RABGAP1L: variants seen among roughly 807,000 people sequenced by gnomAD.
The protein encoded by RABGAP1L is rab GTPase-activating protein 1-like.
RABGAP1L carries 63 observed loss-of-function variants against 137.7 expected under a neutral mutation model. That is an observed-to-expected ratio of 0.46 (90% CI 0.37 to 0.56). The LOEUF (loss-of-function observed/expected upper bound fraction) is 0.56. Among genes scored for constraint, RABGAP1L ranks in the 20% least tolerant of loss-of-function variants. The pLI is 0.00. For missense variants in RABGAP1L, 1,095 were observed against 1,244.0 expected, an observed-to-expected ratio of 0.88 and a Z score of 1.80; for synonymous variants, 431 against 433.7, an observed-to-expected ratio of 0.99 and a Z score of 0.08.
chr1:174,782,681 G>A (rs1020127907), intron 18 of RABGAP1L, among the ~76,000 whole-genome samples: 4 of 152,126 alleles, frequency 2.6e-5, no homozygotes, highest in African/African-American at 9.7e-5. Flanking sequence ...TTGAGCTAGT[G>A]GTATTGAGAG....
chr1:174,394,081 A>T lies in RABGAP1L; in HGVS notation c.1646A>T (p.Gln549Leu). Residue 549 changes from glutamine to leucine, a missense_variant, in exon 13 of 26, where the codon CAG (glutamine) becomes CTG (leucine). By Grantham distance (113) the Gln-to-Leu change is moderately radical. Transcript: ENST00000681986. Reference sequence around the variant, plus strand: ...GAAGCATTGAGGGCAGAGGTATGGCAGTTATTGGCAGGCTGCCATGACAAC... The same window carrying T: ...GAAGCATTGAGGGCAGAGGTATGGCTGTTATTGGCAGGCTGCCATGACAAC... ...VPEALRAEVW[Q>L]LLAGCHDNQA... The T allele has an allele frequency of 2.5e-6, 4 of 1,613,880 alleles. No individual in the cohort carries two copies. The highest frequency in any genetic ancestry group is 3.4e-6 in the Non-Finnish European group (4 of 1,179,828).
chr1:174,379,399 T>C (rs1571509248), intron 12 of RABGAP1L, among the ~76,000 whole-genome samples: 2 of 149,288 alleles, frequency 1.3e-5, no homozygotes, highest in African/African-American at 5.0e-5. Flanking sequence ...TTTCACGATA[T>C]TGATTCTTCC....
At chr1:174,275,064 C>T (rs949018400) in intron 8 of RABGAP1L, 2 of 152,160 alleles carry the variant, frequency 1.3e-5, no homozygotes, top group African/African-American at 4.8e-5. Context: ...CACATATACA[C>T]AAGCTATAAG....
rs76384401 is a variant in RABGAP1L, at chr1:174,419,665, T to C, written c.1710+25520T>C. Among the ~76,000 whole-genome samples, 7 of 152,228 alleles carry C rather than the reference T, an allele frequency of 4.6e-5. No homozygotes were observed. The East Asian group carries it at 7.7e-4, about 17-fold the overall frequency. ...ACAGTTCACTATCAAAAGAATATTA[T>C]GTAAATAAATATAAAATGAACTATG... On this transcript the variant is annotated intron_variant, in intron 13 of 25. Transcript: ENST00000681986.
At chr1:174,408,722 A>G (rs573946759) in intron 13 of RABGAP1L, among the ~76,000 whole-genome samples, 80 of 129,982 alleles carry the variant, frequency 6.2e-4, no homozygotes, top group African/African-American at 2.8e-3. Context: ...CCTTGTGAGC[A>G]TCTGTTGTTT....
At chr1:174,441,654 A>G (rs1392966539) in intron 13 of RABGAP1L, among the ~76,000 whole-genome samples, 1 of 152,118 alleles carries the variant, frequency 6.6e-6, no homozygotes, top group Non-Finnish European at 1.5e-5. Flanking sequence ...GAATTGCTTG[A>G]ACCTGGGAGG....
intron 13 of RABGAP1L, among the ~76,000 whole-genome samples, chr1:174,534,132 CTGTGTGTGTGTGTGTGTGTGTGTGTG>C (rs35255973): frequency 2.3e-5 from 3 of 132,542 alleles, no homozygotes; most frequent in Admixed American, 7.7e-5. Flanking sequence ...GAGGTCAACT[CTGTGTGTGTGTGTGTGTGTGTGTGTG>C]TGTGTGTGTG....
At chr1:174,759,037 T>C (rs1684999901) in intron 18 of RABGAP1L, among the ~76,000 whole-genome samples, 2 of 152,186 alleles carry the variant, frequency 1.3e-5, no homozygotes, top group East Asian at 3.9e-4. Context: ...GGCCACCAAA[T>C]TTTCCAGGAA....
intron 13 of RABGAP1L, among the ~76,000 whole-genome samples, chr1:174,598,139 G>T (rs1670113605): frequency 6.6e-6 from 1 of 151,990 alleles, no homozygotes; most frequent in Non-Finnish European, 1.5e-5. Context: ...GGCTATCCTG[G>T]CCAACATGGG....
intron 12 of RABGAP1L, among the ~76,000 whole-genome samples, chr1:174,393,129 T>C (rs1462116706): frequency 6.6e-6 from 1 of 152,178 alleles, no homozygotes; most frequent in African/African-American, 2.4e-5. Flanking sequence ...GTTCTGACGC[T>C]GCACACCTTT....
At position 174,854,923 on chromosome 1, in the gene RABGAP1L, A is replaced by C. The variant is rs375793714; in HGVS notation, c.2340+42963A>C. On this transcript the variant is annotated intron_variant, in intron 19 of 25. Coordinates refer to ENST00000681986, the MANE Select transcript of RABGAP1L (RefSeq NM_001366446.1). ...TGGCTAGTTTTTGTATTTTTAGTAG[A>C]GACAGGGTTTCGCCATGTTGGCCAG... 3.8e-4 allele frequency among the ~76,000 whole-genome samples: 58 copies of C among 151,334 alleles called. No homozygotes were observed. The Middle Eastern group carries it at 0.01, about 27-fold the overall frequency.
chr1:174,889,304 A>G (rs969428152), intron 19 of RABGAP1L, among the ~76,000 whole-genome samples: 1 of 151,860 alleles, frequency 6.6e-6, no homozygotes, highest in Non-Finnish European at 1.5e-5. Flanking sequence ...TTGTATGTTT[A>G]GTAGAGACAG....
chr1:174,335,155 A>G (rs539826901), intron 11 of RABGAP1L, among the ~76,000 whole-genome samples: 4 of 152,232 alleles, frequency 2.6e-5, no homozygotes, highest in African/African-American at 7.2e-5. Context: ...CAGGTGTTTC[A>G]TACATTTTCA....
intron 22 of RABGAP1L, 140 bp from the exon 23 acceptor site, chr1:174,978,667 C>T (rs997682924): frequency 2.0e-5 from 20 of 1,018,352 alleles, no homozygotes; most frequent in Non-Finnish European, 2.6e-5. Context: ...TATCAAGATG[C>T]AGCTTCCATG....
rs375413887 is a variant in RABGAP1L, at chr1:174,547,029, CAAAAAAAAAAAAA to C, written c.1711-90331_1711-90319del. Reference sequence around the variant, plus strand: ...TGGGCGAAAGAGCGAGACTCTGTCTCAAAAAAAAAAAAAAAAAAAAAAAAAAAGATAAAGCAGT... The same window carrying C: ...TGGGCGAAAGAGCGAGACTCTGTCTCAAAAAAAAAAAAAAGATAAAGCAGT... On this transcript the variant is annotated intron_variant, in intron 13 of 25. Transcript: ENST00000681986. Among the ~76,000 whole-genome samples the C allele has an allele frequency of 1.3e-3, 104 of 78,248 alleles. 1 individual carries two copies. The highest frequency in any genetic ancestry group is 1.6e-3 in the Non-Finnish European group (68 of 41,486). 51.3% of individuals were successfully genotyped at this position (78,248 alleles called of 152,430 possible).
At chr1:174,907,244 G>A (rs1206018775) in intron 19 of RABGAP1L, among the ~76,000 whole-genome samples, 1 of 152,180 alleles carries the variant, frequency 6.6e-6, no homozygotes, top group Non-Finnish European at 1.5e-5. Context: ...GGGGGAGGCA[G>A]AGTAGAATTT....
At chr1:174,883,846 A>G (rs1458941186) in intron 19 of RABGAP1L, among the ~76,000 whole-genome samples, 1 of 152,250 alleles carries the variant, frequency 6.6e-6, no homozygotes, top group Non-Finnish European at 1.5e-5. Context: ...GGGAATATAC[A>G]TTAATATTAT....
At chr1:174,269,426 G>A (rs1372191684) in intron 7 of RABGAP1L, among the ~76,000 whole-genome samples, 2 of 152,226 alleles carry the variant, frequency 1.3e-5, no homozygotes, top group Non-Finnish European at 2.9e-5. Context: ...AGACCATATA[G>A]TTTTGTAGTG....
chr1:174,388,088 C>T (rs1177359155), intron 12 of RABGAP1L, among the ~76,000 whole-genome samples: 1 of 152,022 alleles, frequency 6.6e-6, no homozygotes, highest in Admixed American at 6.5e-5. Flanking sequence ...TACATATAGA[C>T]ATTTTTGTGA....
Sources: gnomAD v4.1 joint callset for allele counts (sites outside exome capture counted in the v4.1 genomes callset) on GRCh38, gnomAD v4.1.1 for gene constraint, MANE v1.5 for transcripts, NCBI Gene and HGNC (gene_info 2026-07-23, HGNC 2026-07-21) for gene names.